Variants in AHCTF1 observed in about 807,000 individuals in gnomAD.
AHCTF1 encodes the protein AT-hook containing transcription factor 1, also known as protein ELYS.
In AHCTF1, 24 loss-of-function variants were observed where a neutral mutation model predicts 248.4. That is an observed-to-expected ratio of 0.10 (90% CI 0.07 to 0.14). The LOEUF is 0.14. Ranked by LOEUF, AHCTF1 falls within the 10% of genes least tolerant of loss-of-function variation. The pLI, the probability that AHCTF1 is intolerant of heterozygous loss-of-function variation, is 1.00. For synonymous variants in AHCTF1, 786 were observed against 929.8 expected, an observed-to-expected ratio of 0.85 and a Z score of 2.81; for missense variants, 2,206 against 2,636.2, an observed-to-expected ratio of 0.84 and a Z score of 3.57.
chr1:246,894,742 G>A lies in AHCTF1; in HGVS notation c.1721C>T (p.Pro574Leu), dbSNP rs771923466. Residue 574 changes from proline (P) to leucine (L), a missense_variant, in exon 14 of 36, where the codon CCA becomes CTA. Physicochemically the swap from Pro to Leu is moderately conservative, Grantham distance 98. Coordinates refer to ENST00000648844, the MANE Select transcript of AHCTF1 (RefSeq NM_001323342.2). ...AAAGCGCAAATTAGTGGCAGAATTT[G>A]GTTGTTCTTATTTGTAAATACAAAA... ...YIRRWITEEQ[P>L]NSATNLRFVL... is the part of the protein sequence containing the mutation. 9 of 1,613,396 alleles carry A rather than the reference G, an allele frequency of 5.6e-6. No individual in the cohort carries two copies. Among genetic ancestry groups the A allele is most frequent in the Non-Finnish European group, 6.8e-6 (8 of 1,179,528 alleles).
At chr1:246,895,041 G>T (rs188651412) in intron 13 of AHCTF1, among the ~76,000 whole-genome samples, 1 of 151,356 alleles carries the variant, frequency 6.6e-6, no homozygotes, top group Non-Finnish European at 1.5e-5. Flanking sequence ...AAAAAAAAAG[G>T]TCAATTTTTT....
At chr1:246,916,904 A>C (rs1666188445) in intron 2 of AHCTF1, among the ~76,000 whole-genome samples, 1 of 152,180 alleles carries the variant, frequency 6.6e-6, no homozygotes, top group Admixed American at 6.5e-5. Context: ...TATAAAATAG[A>C]ACATATTATT....
At chr1:246,926,805 G>A (rs563417229) in intron 1 of AHCTF1, among the ~76,000 whole-genome samples, 2 of 150,474 alleles carry the variant, frequency 1.3e-5, no homozygotes, top group South Asian at 4.3e-4. Context: ...GCAGTCAGCC[G>A]ACACTGCACC....
chr1:246,908,019 T>TA lies in AHCTF1; in HGVS notation c.557-262dup, dbSNP rs890520198. On this transcript the variant is annotated intron_variant, in intron 4 of 35. Coordinates refer to ENST00000648844, the MANE Select transcript of AHCTF1 (RefSeq NM_001323342.2). ...AGTACATCTCAAATATTATCTAAGA[T>TA]AGAATTTTTTTAGGGTTAACAACCA... 1.9e-4 allele frequency among the ~76,000 whole-genome samples: 29 copies of TA among 152,340 alleles called. No homozygotes were observed. The East Asian group carries it at 3.9e-3, about 20-fold the overall frequency.
Position 246,902,618 on chromosome 1 carries a change from A to C in AHCTF1, c.1024T>G (p.Leu342Val). The change falls in exon 8 of 36, where the codon TTG becomes GTG. Residue 342 changes from leucine (L) to valine (V), a missense_variant. This residue lies in a region of AHCTF1 where 650 missense variants were observed against 870.8 expected (regional missense o/e 0.75). Transcript: ENST00000648844. ...TLDLTGGMFPLRGQTSNTKLL... is the reference protein window; with the variant it reads ...TLDLTGGMFPVRGQTSNTKLL... ...TTGGTATTACTCGTCTGTCCCCTCAAAGGGAACATGCCACCTGTCAGGTCC... is the reference window on the plus strand; with the variant it reads ...TTGGTATTACTCGTCTGTCCCCTCACAGGGAACATGCCACCTGTCAGGTCC... 1.2e-6 allele frequency: 2 copies of C among 1,613,122 alleles called. No individual in the cohort carries two copies. The highest frequency in any genetic ancestry group is 1.7e-6 in the Non-Finnish European group (2 of 1,179,810).
chr1:246,922,111 G>C (rs1266825289), intron 1 of AHCTF1, among the ~76,000 whole-genome samples: 1 of 152,206 alleles, frequency 6.6e-6, no homozygotes, highest in African/African-American at 2.4e-5. Flanking sequence ...TGTAATCCCA[G>C]CACTTTGGAA....
intron 14 of AHCTF1, among the ~76,000 whole-genome samples, chr1:246,893,007 T>C (rs970079323): frequency 1.3e-5 from 2 of 152,106 alleles, no homozygotes; most frequent in Non-Finnish European, 2.9e-5. Context: ...GGTTTTTATT[T>C]TTATTTTTTA....
intron 5 of AHCTF1, among the ~76,000 whole-genome samples, chr1:246,907,202 C>G (rs572440851): frequency 2.6e-4 from 40 of 152,128 alleles, no homozygotes; most frequent in Non-Finnish European, 4.9e-4. Flanking sequence ...AAGGTACAAT[C>G]AAAATACAGT....
intron 24 of AHCTF1, among the ~76,000 whole-genome samples, chr1:246,871,541 G>C (rs1662590833): frequency 6.6e-6 from 1 of 152,016 alleles, no homozygotes; most frequent in Non-Finnish European, 1.5e-5. Context: ...CACAGAAAGG[G>C]GCCCAGAAAA....
intron 11 of AHCTF1, among the ~76,000 whole-genome samples, chr1:246,898,596 G>T (rs1225882408): frequency 6.7e-6 from 1 of 149,062 alleles, no homozygotes; most frequent in Non-Finnish European, 1.5e-5. Flanking sequence ...CTCTAAAGCT[G>T]ACAGATTTGG....
At chr1:246,907,064 T>A (rs759524712) in intron 5 of AHCTF1, among the ~76,000 whole-genome samples, 15 of 152,194 alleles carry the variant, frequency 9.9e-5, no homozygotes, top group South Asian at 2.1e-4. Context: ...CAAACCTAGA[T>A]GAGATAGCCT....
intron 6 of AHCTF1, among the ~76,000 whole-genome samples, chr1:246,905,239 C>T (rs929333768): frequency 6.6e-6 from 1 of 152,160 alleles, no homozygotes; most frequent in Non-Finnish European, 1.5e-5. Context: ...GTGACTCACA[C>T]CTGTAATCCC....
At chr1:246,912,494 A>C (rs981729677) in intron 4 of AHCTF1, among the ~76,000 whole-genome samples, 1 of 151,824 alleles carries the variant, frequency 6.6e-6, no homozygotes, top group Non-Finnish European at 1.5e-5. Flanking sequence ...AAAAAAAAAA[A>C]CAAAACCAAG....
Position 246,861,090 on chromosome 1 carries a change from G to C in AHCTF1, c.3941C>G (p.Ser1314Cys), listed in dbSNP as rs374030684. 219 of 1,613,940 alleles carry C rather than the reference G, an allele frequency of 1.4e-4. No homozygotes were observed. Among genetic ancestry groups the C allele is most frequent in the Non-Finnish European group, 1.8e-4 (211 of 1,180,022 alleles). The change falls in exon 29 of 36, where the codon TCC becomes TGC. Residue 1314 changes from serine to cysteine, a missense_variant. Physicochemically the swap from Ser to Cys is moderately radical, Grantham distance 112 (BLOSUM62 -1). Transcript: ENST00000648844. ...SKGNSSVSIT[S>C]DETTLEYQDA... ...CTGATACTCTAAGGTAGTCTCATCG[G>C]ATGTGATTGAAACACTGCTGTTTCC...
chr1:246,916,903 G>A (rs1666188276), intron 2 of AHCTF1, among the ~76,000 whole-genome samples: 1 of 152,118 alleles, frequency 6.6e-6, no homozygotes, highest in Admixed American at 6.5e-5. Flanking sequence ...TTATAAAATA[G>A]AACATATTAT....
chr1:246,902,498 T>C (rs1245068825), intron 8 of AHCTF1, 27 bp downstream of exon 8: 2 of 1,588,946 alleles, frequency 1.3e-6, no homozygotes, highest in East Asian at 2.3e-5. Context: ...AGCCTTCACA[T>C]GACATATTTC....
At chr1:246,842,247 G>C (rs1392115060) in intron 35 of AHCTF1, among the ~76,000 whole-genome samples, 6 of 152,038 alleles carry the variant, frequency 3.9e-5, no homozygotes, top group Admixed American at 3.9e-4. Flanking sequence ...GTAAAATTAA[G>C]GGTCTTCTCA....
intron 4 of AHCTF1, among the ~76,000 whole-genome samples, chr1:246,910,011 T>C (rs1665687421): frequency 6.6e-6 from 1 of 152,236 alleles, no homozygotes; most frequent in South Asian, 2.1e-4. Flanking sequence ...TGTCACCATG[T>C]GAATCCACTG....
intron 1 of AHCTF1, chr1:246,931,317 T>A: frequency 6.5e-7 from 1 of 1,545,844 alleles, no homozygotes; most frequent in Non-Finnish European, 8.7e-7. Flanking sequence ...CCAGCGCCGC[T>A]CCGCCGCCAT....
Sources: gnomAD v4.1 joint callset for allele counts (sites outside exome capture counted in the v4.1 genomes callset) on GRCh38, gnomAD v4.1.1 for gene constraint, gnomAD v4.1.1 regional missense constraint, MANE v1.5 for transcripts, NCBI Gene and HGNC (gene_info 2026-07-23, HGNC 2026-07-21) for gene names.